MATN2: variants seen among roughly 807,000 people sequenced by gnomAD.
MATN2 encodes matrilin 2.
A neutral mutation model predicts 103.2 loss-of-function variants in MATN2; 69 were observed. The observed-to-expected ratio is 0.67, with a 90% CI of 0.55 to 0.82. MATN2 has a LOEUF of 0.82. MATN2 is among the 40% of genes least tolerant of loss of function. The pLI is 0.00. For missense variants in MATN2, 1,023 were observed against 1,211.5 expected, an observed-to-expected ratio of 0.84 and a Z score of 2.31; for synonymous variants, 429 against 450.2, an observed-to-expected ratio of 0.95 and a Z score of 0.60.
intron 2 of MATN2, among the ~76,000 whole-genome samples, chr8:97,899,716 G>A (rs1279398967): frequency 6.6e-6 from 1 of 152,170 alleles, no homozygotes; most frequent in Non-Finnish European, 1.5e-5. Flanking sequence ...CCTCCTGAAG[G>A]CCTGGGGGTG....
rs986042370 is a variant in MATN2, at chr8:97,869,256, C to A, written c.-58C>A. 1 of 152,268 alleles carries A rather than the reference C, an allele frequency of 6.6e-6. No homozygotes were observed. Among genetic ancestry groups the A allele is most frequent in the African/African-American group, 2.4e-5 (1 of 41,470 alleles). 9.4% of individuals were successfully genotyped at this position (152,268 alleles called of 1,614,324 possible). ...GAGGAAGACCCGGGTGGCTGCGCCCCTGCCTCGCTTCCCAGGCGCCGGCGG... is the reference window on the plus strand; with the variant it reads ...GAGGAAGACCCGGGTGGCTGCGCCCATGCCTCGCTTCCCAGGCGCCGGCGG... On this transcript the variant is annotated 5_prime_UTR_variant, in exon 1 of 19. It adds an upstream start codon to the 5' untranslated region. Transcript: ENST00000254898.
At position 98,021,326 on chromosome 8, in the gene MATN2, G is replaced by C. The variant is rs1284279882; in HGVS notation, c.1941G>C (p.Lys647Asn). Residue 647 changes from lysine to asparagine, a missense_variant and splice_region_variant, in exon 13 of 19, where the codon AAG (lysine) becomes AAC (asparagine). Coordinates refer to ENST00000254898, the MANE Select transcript of MATN2 (RefSeq NM_002380.5). ...FVLAEDGRRCKKCTEGPIDLV... is the reference protein window; with the variant it reads ...FVLAEDGRRCNKCTEGPIDLV... ...TAGCTGAGGACGGAAGACGGTGCAA[G>C]AGTAAGTGATCTGAACTTGGCTCTC... The C allele has an allele frequency of 6.2e-7, 1 of 1,612,768 alleles. No individual in the cohort carries two copies. The highest frequency in any genetic ancestry group is 8.5e-7 in the Non-Finnish European group (1 of 1,179,242).
intron 13 of MATN2, among the ~76,000 whole-genome samples, chr8:98,021,700 A>C (rs1408348297): frequency 1.3e-5 from 2 of 151,980 alleles, no homozygotes; most frequent in Non-Finnish European, 2.9e-5. Flanking sequence ...AAAACACAAA[A>C]GAGCAAAAGG....
intron 1 of MATN2, among the ~76,000 whole-genome samples, chr8:97,885,178 G>T (rs942962843): frequency 2.0e-5 from 3 of 152,170 alleles, no homozygotes; most frequent in Non-Finnish European, 4.4e-5. Context: ...CATATGCCTC[G>T]GAGTGGAAGT....
chr8:97,912,490 C>T (rs111283878), intron 2 of MATN2, among the ~76,000 whole-genome samples: 2,314 of 152,270 alleles, frequency 0.015, 69 homozygotes, highest in African/African-American at 0.054. Context: ...AATATACTGT[C>T]CCAGTGTGTT....
intron 2 of MATN2, among the ~76,000 whole-genome samples, chr8:97,921,291 A>G (rs1279833637): frequency 2.0e-5 from 3 of 152,230 alleles, no homozygotes; most frequent in Non-Finnish European, 2.9e-5. Context: ...TAGACCCATT[A>G]AGTAATCCAG....
chr8:98,025,738 T>C, intron 13 of MATN2: 1 of 442,746 alleles, frequency 2.3e-6, no homozygotes, highest in Non-Finnish European at 4.5e-6. Context: ...ACAGCAAGAC[T>C]CTGTCTCAAA....
intron 6 of MATN2, among the ~76,000 whole-genome samples, chr8:97,986,717 A>G (rs963259851): frequency 6.6e-6 from 1 of 152,246 alleles, no homozygotes; most frequent in Admixed American, 6.5e-5. Flanking sequence ...TATTTTTGCA[A>G]TTGCAAATTG....
At chr8:97,974,362 C>G (rs1811762357) in intron 5 of MATN2, among the ~76,000 whole-genome samples, 1 of 152,066 alleles carries the variant, frequency 6.6e-6, no homozygotes, top group Non-Finnish European at 1.5e-5. Flanking sequence ...TGGTCTTGAG[C>G]TCTTAGACTC....
intron 4 of MATN2, among the ~76,000 whole-genome samples, chr8:97,950,181 C>T (rs985033583): frequency 2.0e-5 from 3 of 152,168 alleles, no homozygotes; most frequent in Admixed American, 6.5e-5. Flanking sequence ...ATAAAGCTGA[C>T]ATTCATTAAT....
At position 98,028,648 on chromosome 8, in the gene MATN2, G is replaced by A. The variant is rs376038879; in HGVS notation, c.2356+819G>A. Among the ~76,000 whole-genome samples, 149 of 152,084 alleles carry A rather than the reference G, an allele frequency of 9.8e-4. 1 individual carries two copies. The highest frequency in any genetic ancestry group is 6.8e-3 in the Middle Eastern group (2 of 294). Reference sequence around the variant, plus strand: ...GTCACCGAGGCTGGAGTGCAGTGGCGCGATGTCAGCTCACTGCAAGCTCCG... The same window carrying A: ...GTCACCGAGGCTGGAGTGCAGTGGCACGATGTCAGCTCACTGCAAGCTCCG... On this transcript the variant is annotated intron_variant, in intron 14 of 18. Transcript: ENST00000254898.
At chr8:97,967,503 T>C (rs1811521418) in intron 5 of MATN2, among the ~76,000 whole-genome samples, 1 of 150,986 alleles carries the variant, frequency 6.6e-6, no homozygotes, top group African/African-American at 2.4e-5. Context: ...ACTGGGTAAA[T>C]ATTCTCATTT....
intron 2 of MATN2, among the ~76,000 whole-genome samples, chr8:97,897,190 G>C (rs537175071): frequency 6.6e-6 from 1 of 152,228 alleles, no homozygotes. Context: ...AGCCTGATAA[G>C]TGGTATTCCT....
intron 3 of MATN2, among the ~76,000 whole-genome samples, chr8:97,937,483 T>C (rs1333332623): frequency 6.6e-6 from 1 of 152,018 alleles, no homozygotes; most frequent in Non-Finnish European, 1.5e-5. Flanking sequence ...CTTTTTTAGT[T>C]CCAGTTTCTC....
chr8:97,912,972 C>T (rs930710149), intron 2 of MATN2, among the ~76,000 whole-genome samples: 8 of 152,212 alleles, frequency 5.3e-5, no homozygotes, highest in East Asian at 1.9e-4. Flanking sequence ...GGAGTGGGAG[C>T]CCAGGGACCA....
At chr8:97,935,507 TTTTA>T (rs1195298569) in intron 3 of MATN2, among the ~76,000 whole-genome samples, 1 of 152,078 alleles carries the variant, frequency 6.6e-6, no homozygotes, top group Admixed American at 6.6e-5. Flanking sequence ...GTTTTTTTGT[TTTTA>T]TTTGTTTGTT....
intron 11 of MATN2, 133 bp downstream of exon 11, chr8:98,016,795 T>C: frequency 9.8e-7 from 1 of 1,018,968 alleles, no homozygotes; most frequent in Non-Finnish European, 1.5e-6. Context: ...GTGTCCTGGA[T>C]AGGACCCTGA....
intron 13 of MATN2, among the ~76,000 whole-genome samples, chr8:98,022,292 CTCTT>C (rs1269504925): frequency 6.6e-6 from 1 of 151,978 alleles, no homozygotes; most frequent in Non-Finnish European, 1.5e-5. Context: ...CATACAGTCT[CTCTT>C]TCTCTATATA....
intron 10 of MATN2, among the ~76,000 whole-genome samples, chr8:98,013,044 T>C (rs1772351934): frequency 6.6e-6 from 1 of 152,178 alleles, no homozygotes; most frequent in South Asian, 2.1e-4. Context: ...AGACACCCAG[T>C]GGTACTGAGT....
Sources: allele counts gnomAD v4.1 joint callset (sites outside exome capture counted in the v4.1 genomes callset), GRCh38; gene constraint gnomAD v4.1.1; transcripts MANE v1.5; gene names NCBI Gene and HGNC (gene_info 2026-07-23, HGNC 2026-07-21).